Variants in GLRA2 observed in about 807,000 individuals in gnomAD.
The protein encoded by GLRA2 is glycine receptor subunit alpha-2.
A neutral mutation model predicts 31.6 loss-of-function variants in GLRA2; 11 were observed. The observed-to-expected ratio is 0.35, with a 90% CI of 0.22 to 0.58. GLRA2 has a LOEUF of 0.58. Among genes scored for constraint, GLRA2 ranks in the 20% least tolerant of loss-of-function variants. The pLI is 0.84. For missense variants in GLRA2, 212 were observed against 351.8 expected (o/e 0.60, Z 3.18); for synonymous variants, 132 against 134.0 (o/e 0.99, Z 0.10).
intron 7 of GLRA2, among the ~76,000 whole-genome samples, chrX:14,627,194 G>A (rs1056761913): frequency 9.0e-6 from 1 of 111,384 alleles, no homozygotes; most frequent in Non-Finnish European, 1.9e-5. Flanking sequence ...ACATAATTTA[G>A]GAAGTTTCCT....
intron 2 of GLRA2, among the ~76,000 whole-genome samples, chrX:14,563,400 T>C (rs1489098982): frequency 8.9e-6 from 1 of 112,238 alleles, no homozygotes; most frequent in Non-Finnish European, 1.9e-5. Flanking sequence ...TGAGAAGGAA[T>C]ATTACAGTCT....
chrX:14,614,901 A>G (rs2090438991), intron 7 of GLRA2, among the ~76,000 whole-genome samples: 1 of 111,601 alleles, frequency 9.0e-6, no homozygotes, highest in African/African-American at 3.3e-5. Flanking sequence ...AACGTCCACA[A>G]ATTCCATTAC....
intron 2 of GLRA2, among the ~76,000 whole-genome samples, chrX:14,559,789 G>A (rs554766454): frequency 2.9e-3 from 310 of 108,141 alleles, no homozygotes; most frequent in South Asian, 0.012. Context: ...GCAATGGCAC[G>A]ATCTCGACTC....
At chrX:14,500,436 C>CT in the GLRA2 span, among the ~76,000 whole-genome samples, 2 of 112,647 alleles carry the variant, frequency 1.8e-5, no homozygotes, top group African/African-American at 3.2e-5. Context: ...AAAACCCAGA[C>CT]TATAGCATGG....
At chrX:14,487,041 T>G in the GLRA2 span, among the ~76,000 whole-genome samples, 1 of 110,167 alleles carries the variant, frequency 9.1e-6, no homozygotes, top group African/African-American at 3.3e-5. Context: ...TTTCTTAAGC[T>G]GAGTTGGGGG....
At chrX:14,533,442 A>G (rs2089283586) in intron 2 of GLRA2, among the ~76,000 whole-genome samples, 1 of 109,956 alleles carries the variant, frequency 9.1e-6, no homozygotes, top group Non-Finnish European at 1.9e-5. Context: ...ATAAAGAAAT[A>G]TGTCAGAATT....
intron 7 of GLRA2, among the ~76,000 whole-genome samples, chrX:14,680,599 A>G (rs747512451): frequency 7.7e-4 from 86 of 112,020 alleles, no homozygotes; most frequent in African/African-American, 1.6e-3. Context: ...AAAAGCAACA[A>G]AAAGGCATTT....
At chrX:14,578,648 CTCTTT>C (rs1395661195) in intron 3 of GLRA2, among the ~76,000 whole-genome samples, 2 of 111,579 alleles carry the variant, frequency 1.8e-5, no homozygotes, top group Admixed American at 9.5e-5. Flanking sequence ...TTTTATTTTT[CTCTTT>C]TCTTTAGTTT....
chrX:14,450,362 G>A, the GLRA2 span, among the ~76,000 whole-genome samples: 43 of 111,830 alleles, frequency 3.8e-4, no homozygotes, highest in Admixed American at 4.7e-4. Flanking sequence ...GACTTCCCCT[G>A]AGGGAGCAGG....
In GLRA2 at chrX:14,574,209, CTT is replaced by C; in HGVS notation, c.203-116_203-115del. On this transcript the variant is annotated intron_variant, in intron 2 of 8. Transcript: ENST00000218075. ...TATCATTATGCACCTCAGGGTAAAA[CTT>C]TTTTTTTGGCAATCTCACCATCATT... The C allele has an allele frequency of 1.6e-5, 8 of 493,007 alleles. No homozygotes were observed. The South Asian group carries it at 2.5e-4, about 15-fold the overall frequency. 40.6% of individuals were successfully genotyped at this position (493,007 alleles called of 1,213,427 possible).
At chrX:14,693,055 AAAGAAAG>A (rs1241862234) in intron 8 of GLRA2, among the ~76,000 whole-genome samples, 5 of 71,380 alleles carry the variant, frequency 7.0e-5, no homozygotes, top group Non-Finnish European at 6.8e-5. Context: ...CAAAAAAAAA[AAAGAAAG>A]AGGGAATGCA....
chrX:14,452,421 A>T, the GLRA2 span, among the ~76,000 whole-genome samples: 25 of 112,618 alleles, frequency 2.2e-4, no homozygotes, highest in Non-Finnish European at 3.6e-4. Context: ...TGCCTTCTAC[A>T]TAACCTACTG....
In GLRA2 at chrX:14,564,279, A is replaced by G. The variant is rs112272488; in HGVS notation, c.203-10054A>G. The stretch of plus-strand genomic sequence containing the variant: ...ATCAACTGGTTTCTCAGTGGAAACC[A>G]TAAGGGCCAGAAGACAATGGGATGA... On this transcript the variant is annotated intron_variant, in intron 2 of 8. Transcript: ENST00000218075. Among the ~76,000 whole-genome samples the G allele has an allele frequency of 2.9e-4, 32 of 110,788 alleles. 1 individual carries two copies. The South Asian group carries it at 0.012, about 43-fold the overall frequency.
chrX:14,720,969 CA>C (rs1365027856), intron 8 of GLRA2, among the ~76,000 whole-genome samples: 6 of 109,072 alleles, frequency 5.5e-5, no homozygotes, highest in Non-Finnish European at 7.6e-5. Flanking sequence ...CCCACCTCTA[CA>C]AAAAAATTAG....
intron 7 of GLRA2, among the ~76,000 whole-genome samples, chrX:14,649,106 C>T (rs1191935010): frequency 1.8e-5 from 2 of 109,934 alleles, no homozygotes; most frequent in African/African-American, 6.6e-5. Context: ...CCCAACTATT[C>T]GGGAGGCTGA....
intron 2 of GLRA2, among the ~76,000 whole-genome samples, chrX:14,557,538 A>T (rs983332989): frequency 8.9e-6 from 1 of 112,565 alleles, no homozygotes; most frequent in African/African-American, 3.2e-5. Context: ...TTGTTTGGTG[A>T]AGCAGAAGAG....
chrX:14,711,718 CAA>C (rs1449439045), intron 8 of GLRA2, among the ~76,000 whole-genome samples: 1 of 112,419 alleles, frequency 8.9e-6, no homozygotes, highest in Non-Finnish European at 1.9e-5. Context: ...TATTTTACTA[CAA>C]AAGAGACTGA....
chrX:14,698,106 G>C (rs1206310193), intron 8 of GLRA2, among the ~76,000 whole-genome samples: 2 of 111,523 alleles, frequency 1.8e-5, no homozygotes, highest in Non-Finnish European at 3.8e-5. Flanking sequence ...AAGCAAATAG[G>C]GTGAGGCAAG....
chrX:14,482,533 C>G, the GLRA2 span, among the ~76,000 whole-genome samples: 2 of 111,060 alleles, frequency 1.8e-5, no homozygotes, highest in African/African-American at 6.5e-5. Context: ...TTCAAATGTT[C>G]TTATAAGGTC....
Sources: allele counts gnomAD v4.1 joint callset (sites outside exome capture counted in the v4.1 genomes callset), GRCh38; gene constraint gnomAD v4.1.1; transcripts MANE v1.5; gene names NCBI Gene and HGNC (gene_info 2026-07-23, HGNC 2026-07-21).